The following AKAP6 variants were observed in gnomAD, a reference collection of about 807,000 sequenced individuals.
AKAP6 encodes the protein A-kinase anchoring protein 6.
In AKAP6, 58 loss-of-function variants were observed where a neutral mutation model predicts 188.5. The observed-to-expected ratio is 0.31, with a 90% CI of 0.25 to 0.38. The LOEUF (loss-of-function observed/expected upper bound fraction) is 0.38, where lower values mean the gene tolerates loss of function less well. AKAP6 is among the 10% of genes least tolerant of loss of function. AKAP6 has a pLI of 1.00. For synonymous variants in AKAP6, 989 were observed against 998.6 expected (o/e 0.99, Z 0.18); for missense variants, 2,710 against 2,740.0 (o/e 0.99, Z 0.24).
intron 5 of AKAP6, among the ~76,000 whole-genome samples, chr14:32,582,683 C>A (rs1399286127): frequency 6.6e-6 from 1 of 152,042 alleles, no homozygotes; most frequent in Non-Finnish European, 1.5e-5. Flanking sequence ...GGGCTTTGTT[C>A]ATTTCTTTTT....
intron 4 of AKAP6, among the ~76,000 whole-genome samples, chr14:32,551,108 A>T (rs147830030): frequency 4.7e-4 from 71 of 151,554 alleles, no homozygotes; most frequent in Middle Eastern, 3.4e-3. Flanking sequence ...TGCTCACTAC[A>T]CTCCCTTTCC....
chr14:32,329,544 T>C (rs2138377454), intron 1 of AKAP6, 136 bp downstream of exon 1: 1 of 152,126 alleles, frequency 6.6e-6, no homozygotes, highest in Middle Eastern at 3.4e-3. Flanking sequence ...CCTAAATCGT[T>C]TTTCAGGCTG....
At position 32,433,522 on chromosome 14, in the gene AKAP6, C is replaced by T. The variant is rs1177733503; in HGVS notation, c.29C>T (p.Pro10Leu). The change falls in exon 2 of 14, where the codon CCC becomes CTC. Residue 10 changes from proline to leucine, a missense_variant. Pro to Leu is a moderately conservative substitution (Grantham distance 98, BLOSUM62 -3). This residue lies in a region of AKAP6 where 237 missense variants were observed against 313.9 expected (regional missense o/e 0.76). Coordinates refer to ENST00000280979, the MANE Select transcript of AKAP6 (RefSeq NM_004274.5). The stretch of plus-strand genomic sequence containing the variant: ...TTAACCATGAGCGTGACACTTTCCC[C>T]CCTGAGGTCACAGGACCTGGATCCC... The part of the protein sequence containing the change: MLTMSVTLS[P>L]LRSQDLDPMA... 1.2e-6 allele frequency: 2 copies of T among 1,614,000 alleles called. No homozygotes were observed. Among genetic ancestry groups the T allele is most frequent in the Non-Finnish European group, 1.7e-6 (2 of 1,180,018 alleles).
chr14:32,648,816 C>T (rs952958406), intron 7 of AKAP6, among the ~76,000 whole-genome samples: 2 of 152,076 alleles, frequency 1.3e-5, no homozygotes, highest in African/African-American at 4.8e-5. Context: ...TCCAATTAAG[C>T]TCTAGCTCTC....
chr14:32,671,851 A>C (rs1298132911), intron 7 of AKAP6, among the ~76,000 whole-genome samples: 1 of 152,212 alleles, frequency 6.6e-6, no homozygotes, highest in East Asian at 1.9e-4. Context: ...TAACCCAACA[A>C]AGAATTCTGG....
intron 7 of AKAP6, among the ~76,000 whole-genome samples, chr14:32,646,810 G>A (rs1888004255): frequency 6.6e-6 from 1 of 152,014 alleles, no homozygotes; most frequent in Non-Finnish European, 1.5e-5. Context: ...TAAGGTAGTG[G>A]CAATGGTGCA....
At chr14:32,398,849 T>TG (rs1348625005) in intron 1 of AKAP6, among the ~76,000 whole-genome samples, 4 of 108,052 alleles carry the variant, frequency 3.7e-5, no homozygotes, top group Non-Finnish European at 8.8e-5. Flanking sequence ...TTCCTGTTTT[T>TG]TTTTTTTTTT....
At chr14:32,609,031 T>G (rs186877541) in intron 7 of AKAP6, among the ~76,000 whole-genome samples, 1 of 152,150 alleles carries the variant, frequency 6.6e-6, no homozygotes, top group Admixed American at 6.5e-5. Context: ...TTTCCTGGAA[T>G]GTGTTGTTTC....
At chr14:32,553,967 T>A (rs1883590302) in intron 4 of AKAP6, among the ~76,000 whole-genome samples, 1 of 152,236 alleles carries the variant, frequency 6.6e-6, no homozygotes. Context: ...GACACATTTG[T>A]TCCGATACAT....
At chr14:32,353,136 A>G (rs144585467) in intron 1 of AKAP6, among the ~76,000 whole-genome samples, 289 of 152,144 alleles carry the variant, frequency 1.9e-3, no homozygotes, top group African/African-American at 6.5e-3. Flanking sequence ...GCACTTACCT[A>G]TAGAGAACAG....
At chr14:32,542,093 G>T (rs1280275164) in intron 3 of AKAP6, among the ~76,000 whole-genome samples, 1 of 151,962 alleles carries the variant, frequency 6.6e-6, no homozygotes, top group African/African-American at 2.4e-5. Context: ...CCTCCTTTAA[G>T]CCTCTCAACA....
At chr14:32,648,030 A>T (rs931356564) in intron 7 of AKAP6, among the ~76,000 whole-genome samples, 1 of 152,076 alleles carries the variant, frequency 6.6e-6, no homozygotes, top group Non-Finnish European at 1.5e-5. Flanking sequence ...GATCAGTATA[A>T]TTCCCTTAAT....
In AKAP6 at chr14:32,523,791, TAAAAAAAAAAA is replaced by T. The variant is rs55994452; in HGVS notation, c.325-11752_325-11742del. On this transcript the variant is annotated intron_variant, in intron 2 of 13. Transcript: ENST00000280979. ...CATGAAGTTAAATACTCCTCCTGAT[TAAAAAAAAAAA>T]AAAAAAAAAAGACTGTGGTACTTAC... Among the ~76,000 whole-genome samples, 146 of 107,148 alleles carry T rather than the reference TAAAAAAAAAAA, an allele frequency of 1.4e-3. 2 individuals are homozygous for T. The East Asian group carries it at 0.033, about 24-fold the overall frequency. 70.3% of individuals were successfully genotyped at this position (107,148 alleles called of 152,430 possible).
At chr14:32,801,245 A>G (rs1233539243) in intron 12 of AKAP6, among the ~76,000 whole-genome samples, 3 of 151,888 alleles carry the variant, frequency 2.0e-5, no homozygotes, top group African/African-American at 4.8e-5. Flanking sequence ...TTTATTTTAA[A>G]TGAACATTTT....
At chr14:32,475,822 C>T (rs1014933790) in intron 2 of AKAP6, among the ~76,000 whole-genome samples, 10 of 151,746 alleles carry the variant, frequency 6.6e-5, no homozygotes, top group Non-Finnish European at 1.2e-4. Context: ...GGACTACAGG[C>T]GCCCGCCACC....
At chr14:32,725,011 A>AG (rs1379967792) in intron 9 of AKAP6, among the ~76,000 whole-genome samples, 1 of 150,040 alleles carries the variant, frequency 6.7e-6, no homozygotes, top group Non-Finnish European at 1.5e-5. Flanking sequence ...AAAAAAAAAA[A>AG]AAAAAACAAT....
At chr14:32,630,262 T>C (rs759632388) in intron 7 of AKAP6, among the ~76,000 whole-genome samples, 11 of 152,118 alleles carry the variant, frequency 7.2e-5, no homozygotes, top group Non-Finnish European at 1.2e-4. Flanking sequence ...CATCTTTAAA[T>C]TGGAATTAGA....
chr14:32,498,596 G>A (rs1880445822), intron 2 of AKAP6, among the ~76,000 whole-genome samples: 1 of 152,002 alleles, frequency 6.6e-6, no homozygotes, highest in Non-Finnish European at 1.5e-5. Context: ...TAATCCACCA[G>A]TTTGTTTGCT....
chr14:32,602,648 A>G (rs1325269036), intron 7 of AKAP6, among the ~76,000 whole-genome samples: 1 of 152,210 alleles, frequency 6.6e-6, no homozygotes, highest in Non-Finnish European at 1.5e-5. Flanking sequence ...CCTACTTTTT[A>G]AAAGCTATCC....
Sources: allele counts gnomAD v4.1 joint callset (sites outside exome capture counted in the v4.1 genomes callset), GRCh38; gene constraint gnomAD v4.1.1; regional missense constraint gnomAD v4.1.1; transcripts MANE v1.5; gene names NCBI Gene and HGNC (gene_info 2026-07-23, HGNC 2026-07-21).